ADGRA2: variants seen among roughly 807,000 people sequenced by gnomAD.
The protein encoded by ADGRA2 is adhesion G protein-coupled receptor A2.
In ADGRA2, 61 loss-of-function variants were observed where a neutral mutation model predicts 98.7. The ratio of observed to expected loss-of-function variants is 0.62; its 90% CI spans 0.50 to 0.76. ADGRA2 has a LOEUF of 0.76. Among genes scored for constraint, ADGRA2 ranks in the 30% least tolerant of loss-of-function variants. The pLI is 0.00. For synonymous variants in ADGRA2, 858 were observed against 831.5 expected (o/e 1.03, Z -0.55); for missense variants, 1,712 against 1,860.0 (o/e 0.92, Z 1.46).
intron 5 of ADGRA2, 30 bp downstream of exon 5, chr8:37,829,589 A>C: frequency 6.7e-7 from 1 of 1,495,830 alleles, no homozygotes; most frequent in Non-Finnish European, 9.3e-7. Context: ...TCAAGGACCC[A>C]GACCCCTGTC....
chr8:37,840,286 G>C lies in ADGRA2; in HGVS notation c.2657+20G>C. ...GCTCCGGTACATACTTTCAATTCCAGCTTTGCAATTGGGGAGGGACTCCAA... is the reference window on the plus strand; with the variant it reads ...GCTCCGGTACATACTTTCAATTCCACCTTTGCAATTGGGGAGGGACTCCAA... On this transcript the variant is annotated intron_variant, in intron 17 of 18. Coordinates refer to ENST00000412232, the MANE Select transcript of ADGRA2 (RefSeq NM_032777.10). The C allele has an allele frequency of 6.2e-7, 1 of 1,609,520 alleles. No homozygotes were observed. The highest frequency in any genetic ancestry group is 1.7e-4 in the Middle Eastern group (1 of 5,732).
intron 1 of ADGRA2, among the ~76,000 whole-genome samples, chr8:37,809,440 TC>T (rs1804765156): frequency 6.6e-6 from 1 of 152,132 alleles, no homozygotes; most frequent in Admixed American, 6.5e-5. Flanking sequence ...CTCTGGATAA[TC>T]TAGGTCTAGA....
rs61745949 is a variant in ADGRA2, at chr8:37,839,587, A to G, written c.2476A>G (p.Ile826Val). 1.9e-4 allele frequency: 303 copies of G among 1,614,098 alleles called. No individual in the cohort carries two copies. The highest frequency in any genetic ancestry group is 1.2e-3 in the Middle Eastern group (7 of 6,062). The part of the protein sequence containing the change: ...AMTSAVFAGG[I>V]TLTNYQMVCQ... ...GACCTCTGCTGTCTTTGCGGGGGGC[A>G]TCACACTCACCAACTACCAGATGGT... Residue 826 changes from isoleucine to valine, a missense_variant, in exon 16 of 19, where the codon ATC becomes GTC. Physicochemically the swap from Ile to Val is conservative, Grantham distance 29 (BLOSUM62 3). Transcript: ENST00000412232.
chr8:37,797,413 G>A lies in ADGRA2; in HGVS notation c.145G>A (p.Glu49Lys), dbSNP rs1358268612. ...LSIRSCKCSG[E>K]RPKGLSGGVP... Reference sequence around the variant, plus strand: ...CATCCGCAGCTGCAAGTGCTCGGGGGAGCGGCCCAAGGGGCTGAGCGGCGG... The same window carrying A: ...CATCCGCAGCTGCAAGTGCTCGGGGAAGCGGCCCAAGGGGCTGAGCGGCGG... Residue 49 changes from glutamate to lysine, a missense_variant, in exon 1 of 19, where the codon GAG becomes AAG. Transcript: ENST00000412232. This position sits in a 1 kb window ranked among gnomAD's most constrained non-coding sequence, Gnocchi z 5.3. 2 of 1,433,092 alleles carry A rather than the reference G, an allele frequency of 1.4e-6. No individual in the cohort carries two copies. Among genetic ancestry groups the A allele is most frequent in the Non-Finnish European group, 1.8e-6 (2 of 1,091,912 alleles). The allele number at this position is 1,433,092 out of a possible 1,614,324, so 88.8% of individuals were successfully genotyped here.
Position 37,830,067 on chromosome 8 carries a change from A to C in ADGRA2, c.718+53A>C. The C allele has an allele frequency of 1.6e-6, 2 of 1,248,238 alleles. No individual in the cohort carries two copies. The highest frequency in any genetic ancestry group is 2.2e-6 in the Non-Finnish European group (2 of 924,210). The allele number at this position is 1,248,238 out of a possible 1,614,324, so 77.3% of individuals were successfully genotyped here. ...TCCCAGGGACCCTGCCTCTCCACCAACCCAGGGCCCAGACACGAGCCTCCC... is the reference window on the plus strand; with the variant it reads ...TCCCAGGGACCCTGCCTCTCCACCACCCCAGGGCCCAGACACGAGCCTCCC... On this transcript the variant is annotated intron_variant, in intron 6 of 18. Coordinates refer to ENST00000412232, the MANE Select transcript of ADGRA2 (RefSeq NM_032777.10). The surrounding 1 kb of genome is among the most constrained non-coding windows in gnomAD (Gnocchi z 4.8).
At chr8:37,813,097 A>G (rs1804884829) in intron 1 of ADGRA2, among the ~76,000 whole-genome samples, 1 of 152,070 alleles carries the variant, frequency 6.6e-6, no homozygotes, top group Non-Finnish European at 1.5e-5. Context: ...GCCAGGCATG[A>G]TGGCTCGTGC....
In ADGRA2 at chr8:37,838,961, G is replaced by A. The variant is rs1805700100; in HGVS notation, c.2265G>A (p.Leu755=). The change falls in exon 15 of 19, where the codon CTG becomes CTA. Residue 755 remains leucine, a synonymous_variant. Transcript: ENST00000412232. ...HLGNVAVLME[L]SAFPREVGGA... ...TCCTTCCTGCCCTTTCCCAGGAGCT[G>A]AGCGCCTTTCCCAGGGAGGTGGGGG... 6.4e-7 allele frequency: 1 copy of A among 1,568,368 alleles called. No homozygotes were observed. The highest frequency in any genetic ancestry group is 1.9e-5 in the Admixed American group (1 of 53,718).
chr8:37,827,518 G>T (rs1014776707), intron 2 of ADGRA2, among the ~76,000 whole-genome samples: 1 of 152,238 alleles, frequency 6.6e-6, no homozygotes, highest in Non-Finnish European at 1.5e-5. Flanking sequence ...ACAGACTCAG[G>T]GCTGGAAGGC....
intron 1 of ADGRA2, among the ~76,000 whole-genome samples, chr8:37,806,057 G>A (rs1798566132): frequency 6.6e-6 from 1 of 152,060 alleles, no homozygotes; most frequent in Non-Finnish European, 1.5e-5. Flanking sequence ...CTCCCCCCGG[G>A]GGGCTTTTAG....
In ADGRA2 at chr8:37,842,541, C is replaced by A; in HGVS notation, c.*186C>A. Reference sequence around the variant, plus strand: ...CCTCTGGGGTAGCGACAGACAATCCCAGAAACACGCATAATACATTTCCGT... The same window carrying A: ...CCTCTGGGGTAGCGACAGACAATCCAAGAAACACGCATAATACATTTCCGT... On this transcript the variant is annotated 3_prime_UTR_variant, in exon 19 of 19. Transcript: ENST00000412232. The A allele has an allele frequency of 1.0e-6, 1 of 996,056 alleles. No individual in the cohort carries two copies. The highest frequency in any genetic ancestry group is 1.4e-6 in the Non-Finnish European group (1 of 737,986). 61.7% of individuals were successfully genotyped at this position (996,056 alleles called of 1,614,324 possible).
chr8:37,810,620 C>T (rs1490950144), intron 1 of ADGRA2, among the ~76,000 whole-genome samples: 1 of 152,120 alleles, frequency 6.6e-6, no homozygotes, highest in African/African-American at 2.4e-5. Context: ...GCCTCGTCCT[C>T]CCAAGTAGCT....
rs767813844 is a variant in ADGRA2 at position 37,839,006 on chromosome 8, C to T, written c.2310C>T (p.His770=). 2.5e-6 allele frequency: 4 copies of T among 1,598,516 alleles called. No individual in the cohort carries two copies. Among genetic ancestry groups the T allele is most frequent in the Middle Eastern group, 1.7e-4 (1 of 5,924 alleles). The change falls in exon 15 of 19, where the codon CAC becomes CAT. Residue 770 remains histidine (H), a synonymous_variant. Transcript: ENST00000412232. ...TGGGGGGCGCCGGGGCAGGGCTGCA[C>T]CCCGTGGTATACCCCTGCACGGCCT... The part of the protein sequence containing the change: ...REVGGAGAGL[H]PVVYPCTALL...
intron 8 of ADGRA2, 64 bp downstream of exon 8, chr8:37,831,651 C>G: frequency 4.2e-6 from 6 of 1,439,196 alleles, no homozygotes; most frequent in Non-Finnish European, 5.8e-6. Flanking sequence ...CACCTGACAT[C>G]ACAGGTGGCC....
chr8:37,844,569 C>G lies in ADGRA2; in HGVS notation c.*2214C>G, dbSNP rs144896527. The G allele has an allele frequency of 2.0e-5, 32 of 1,613,874 alleles. No homozygotes were observed. Among genetic ancestry groups the G allele is most frequent in the Non-Finnish European group, 2.7e-5 (32 of 1,180,022 alleles). ...AAAGTCCCTAACTTCCTGAGGGGTA[C>G]GCAAATACTGTTCTATTTCACTATC... On this transcript the variant is annotated 3_prime_UTR_variant, in exon 19 of 19. Transcript: ENST00000412232.
rs114647620 is a variant in ADGRA2, at chr8:37,801,624, G to A, written c.266+4090G>A. Among the ~76,000 whole-genome samples the A allele has an allele frequency of 5.4e-3, 826 of 152,320 alleles. 11 individuals are homozygous for A. The highest frequency in any genetic ancestry group is 0.019 in the African/African-American group (778 of 41,574). On this transcript the variant is annotated intron_variant, in intron 1 of 18. Transcript: ENST00000412232. ...CCTAGGACATCTGAGCAGGCACTCC[G>A]AGGATACCAGCCAGTGTCATAAATT...
chr8:37,800,154 A>G (rs1804458918), intron 1 of ADGRA2, among the ~76,000 whole-genome samples: 1 of 152,166 alleles, frequency 6.6e-6, no homozygotes, highest in Admixed American at 6.5e-5. Context: ...AACAACAACA[A>G]AAACCCCAGG....
intron 1 of ADGRA2, among the ~76,000 whole-genome samples, chr8:37,804,124 C>T (rs1030808855): frequency 2.5e-4 from 37 of 150,060 alleles, no homozygotes; most frequent in African/African-American, 8.5e-4. Context: ...CACACACACA[C>T]ACACACACAC....
intron 2 of ADGRA2, among the ~76,000 whole-genome samples, chr8:37,823,190 CTTT>C (rs34242233): frequency 0.011 from 1,452 of 130,004 alleles, 30 homozygotes; most frequent in African/African-American, 0.039. Context: ...CATGCCCAAC[CTTT>C]TTTTTTTTTT....
In ADGRA2 at chr8:37,841,423, T is replaced by G; in HGVS notation, c.3085T>G (p.Tyr1029Asp). 1 of 1,613,056 alleles carries G rather than the reference T, an allele frequency of 6.2e-7. No individual in the cohort carries two copies. Among genetic ancestry groups the G allele is most frequent in the East Asian group, 2.2e-5 (1 of 44,860 alleles). The change falls in exon 19 of 19, where the codon TAC (tyrosine) becomes GAC (aspartate). Residue 1029 changes from tyrosine (Y) to aspartate (D), a missense_variant. Coordinates refer to ENST00000412232, the MANE Select transcript of ADGRA2 (RefSeq NM_032777.10). The surrounding 1 kb of genome is among the most constrained non-coding windows in gnomAD (Gnocchi z 5.0). ...LGALVTTHFL[Y>D]LAMWACGALA... The stretch of plus-strand genomic sequence containing the variant: ...GGCGCTGGTGACCACGCACTTCCTG[T>G]ACTTGGCCATGTGGGCCTGCGGGGC...
Sources: allele counts gnomAD v4.1 joint callset (sites outside exome capture counted in the v4.1 genomes callset), GRCh38; gene constraint gnomAD v4.1.1; non-coding constraint Gnocchi (gnomAD v3.1); transcripts MANE v1.5; gene names NCBI Gene and HGNC (gene_info 2026-07-23, HGNC 2026-07-21).